Variants in COPG2 observed in about 807,000 individuals in gnomAD.
The protein encoded by COPG2 is coatomer subunit gamma-2.
In COPG2, 37 loss-of-function variants were observed where a neutral mutation model predicts 46.3. The ratio of observed to expected loss-of-function variants is 0.80; its 90% confidence interval spans 0.61 to 1.05. The LOEUF (loss-of-function observed/expected upper bound fraction) is 1.05. COPG2 is among the 50% of genes least tolerant of loss of function. COPG2 has a pLI of 0.00. For synonymous variants in COPG2, 159 were observed against 129.7 expected, an observed-to-expected ratio of 1.23 and a Z score of -1.53; for missense variants, 427 against 387.8, an observed-to-expected ratio of 1.10 and a Z score of -0.85.
intron 20 of COPG2, among the ~76,000 whole-genome samples, chr7:130,545,244 C>T (rs1449059502): frequency 1.3e-5 from 2 of 151,708 alleles, no homozygotes; most frequent in Admixed American, 6.6e-5. Context: ...AATTTGTCCA[C>T]GATTACACAG....
intron 5 of COPG2, among the ~76,000 whole-genome samples, chr7:130,619,151 C>T (rs183264752): frequency 1.4e-4 from 21 of 152,192 alleles, no homozygotes; most frequent in African/African-American, 5.1e-4. Context: ...TCCAACAGAA[C>T]TTTTTTCAAT....
chr7:130,611,040 T>G lies in COPG2; in HGVS notation c.650A>C (p.Lys217Thr), dbSNP rs201834380. 1.2e-6 allele frequency: 2 copies of G among 1,613,778 alleles called. No individual in the cohort carries two copies. The highest frequency in any genetic ancestry group is 2.2e-5 in the South Asian group (2 of 91,090). Residue 217 changes from lysine (K) to threonine (T), a missense_variant, in exon 9 of 24, where the codon AAG becomes ACG. Physicochemically the swap from Lys to Thr is moderately conservative, Grantham distance 78. Transcript: ENST00000425248. ...DRLAVSKMLNKFTKSGLKSQF... is the reference protein window; with the variant it reads ...DRLAVSKMLNTFTKSGLKSQF... ...TGACTTGAGACCAGATTTAGTAAACTTATTCAACATCTTGGAAACAGCAAG... is the reference window on the plus strand; with the variant it reads ...TGACTTGAGACCAGATTTAGTAAACGTATTCAACATCTTGGAAACAGCAAG...
At chr7:130,557,024 A>G (rs1185294467) in intron 12 of COPG2, among the ~76,000 whole-genome samples, 2 of 152,208 alleles carry the variant, frequency 1.3e-5, no homozygotes, top group South Asian at 2.1e-4. Flanking sequence ...ATGCAATTAG[A>G]TAAGGGAAAA....
chr7:130,659,425 TCTCA>T (rs1302815981), intron 4 of COPG2, among the ~76,000 whole-genome samples: 2 of 150,922 alleles, frequency 1.3e-5, no homozygotes, highest in East Asian at 3.9e-4. Flanking sequence ...CCAGAAAAAG[TCTCA>T]CTGTGTACAT....
At chr7:130,523,778 G>C (rs1799748567) in intron 20 of COPG2, among the ~76,000 whole-genome samples, 1 of 151,152 alleles carries the variant, frequency 6.6e-6, no homozygotes, top group Non-Finnish European at 1.5e-5. Context: ...TTGTCACGGG[G>C]AGGAAAGGCA....
chr7:130,637,228 T>C (rs1037524386), intron 5 of COPG2, among the ~76,000 whole-genome samples: 3 of 152,232 alleles, frequency 2.0e-5, no homozygotes, highest in African/African-American at 4.8e-5. Context: ...GAGGAGTATC[T>C]TTGTGATATT....
chr7:130,588,799 T>C (rs1239008416), intron 9 of COPG2, among the ~76,000 whole-genome samples: 1 of 151,060 alleles, frequency 6.6e-6, no homozygotes, highest in Non-Finnish European at 1.5e-5. Flanking sequence ...AGTATAATAA[T>C]AAAAAAAAAG....
chr7:130,533,587 C>T (rs1025368575), intron 20 of COPG2, among the ~76,000 whole-genome samples: 2 of 152,016 alleles, frequency 1.3e-5, no homozygotes, highest in South Asian at 2.1e-4. Context: ...CCAGTGTCTC[C>T]CTAGTGGCAG....
At chr7:130,641,591 C>G (rs1795490041) in intron 5 of COPG2, among the ~76,000 whole-genome samples, 2 of 152,174 alleles carry the variant, frequency 1.3e-5, no homozygotes, top group South Asian at 4.1e-4. Context: ...AGAAAATTAA[C>G]TTTTAAAATT....
chr7:130,530,345 T>C (rs1190323776), intron 20 of COPG2, among the ~76,000 whole-genome samples: 1 of 151,340 alleles, frequency 6.6e-6, no homozygotes, highest in Non-Finnish European at 1.5e-5. Context: ...GGACTGGCTG[T>C]GGAGTTTTGT....
chr7:130,652,790 A>C, intron 5 of COPG2, 79 bp downstream of exon 5: 1 of 890,084 alleles, frequency 1.1e-6, no homozygotes. Context: ...TGGCTTTCTT[A>C]TGGTCAAAAA....
At position 130,563,347 on chromosome 7, in the gene COPG2, AT is replaced by A. The variant is rs1793748461; in HGVS notation, c.872-12del. The A allele has an allele frequency of 1.0e-5, 4 of 393,252 alleles. No homozygotes were observed. The highest frequency in any genetic ancestry group is 7.2e-5 in the East Asian group (2 of 27,594). The allele number at this position is 393,252 out of a possible 1,614,324, so 24.4% of individuals were successfully genotyped here. On this transcript the variant is annotated splice_polypyrimidine_tract_variant and intron_variant, in intron 10 of 23. Coordinates refer to ENST00000425248, the MANE Select transcript of COPG2 (RefSeq NM_012133.6). Reference sequence around the variant, plus strand: ...AGAAAAGTTGAAGAACTAAAAAAAAATAATAATAATAATATGTAACATTAAG... The same window carrying A: ...AGAAAAGTTGAAGAACTAAAAAAAAAAATAATAATAATATGTAACATTAAG...
At chr7:130,562,179 C>T (rs1376287357) in intron 11 of COPG2, among the ~76,000 whole-genome samples, 2 of 152,022 alleles carry the variant, frequency 1.3e-5, no homozygotes, top group South Asian at 2.1e-4. Flanking sequence ...GCCAACATGG[C>T]GAAACCCTGT....
intron 5 of COPG2, among the ~76,000 whole-genome samples, chr7:130,619,660 C>A (rs6967801): frequency 0.19 from 29,433 of 151,700 alleles, 3,034 homozygotes; most frequent in Middle Eastern, 0.25. Context: ...TTCCTGTAGC[C>A]CCTCTATTAC....
At chr7:130,607,573 T>C (rs1584574001) in intron 9 of COPG2, 1 of 437,188 alleles carries the variant, frequency 2.3e-6, no homozygotes. Flanking sequence ...CATTCAATTC[T>C]TTTATCTTAC....
chr7:130,609,253 A>C (rs1192783434), intron 9 of COPG2, among the ~76,000 whole-genome samples: 1 of 152,100 alleles, frequency 6.6e-6, no homozygotes, highest in Admixed American at 6.5e-5. Context: ...TCTCATCTTG[A>C]ATTTCCATGT....
At chr7:130,605,938 C>T (rs1019340346) in intron 9 of COPG2, among the ~76,000 whole-genome samples, 2 of 152,088 alleles carry the variant, frequency 1.3e-5, no homozygotes, top group Admixed American at 1.3e-4. Context: ...AGTGTTACTG[C>T]GACAAATACC....
At chr7:130,509,763 G>C (rs1052142792) in intron 20 of COPG2, 1 of 516,794 alleles carries the variant, frequency 1.9e-6, no homozygotes, top group Non-Finnish European at 3.9e-6. Flanking sequence ...GTGTGTGTGT[G>C]ATCTATCTAT....
chr7:130,619,759 T>A (rs569464300), intron 5 of COPG2, among the ~76,000 whole-genome samples: 8 of 152,364 alleles, frequency 5.3e-5, no homozygotes, highest in Middle Eastern at 6.8e-3. Flanking sequence ...CTGAATTCTT[T>A]CCAGTGTGGA....
Sources: gnomAD v4.1 joint callset for allele counts (sites outside exome capture counted in the v4.1 genomes callset) on GRCh38, gnomAD v4.1.1 for gene constraint, MANE v1.5 for transcripts, NCBI Gene and HGNC (gene_info 2026-07-23, HGNC 2026-07-21) for gene names.